The following ST6GALNAC3 variants were observed in gnomAD, a reference collection of about 807,000 sequenced individuals.
ST6GALNAC3 encodes the protein alpha-N-acetylgalactosaminide alpha-2,6-sialyltransferase 3.
ST6GALNAC3 carries 25 observed loss-of-function variants against 32.7 expected under a neutral mutation model. The ratio of observed to expected loss-of-function variants is 0.76; its 90% CI spans 0.56 to 1.07. ST6GALNAC3 has a LOEUF of 1.07. ST6GALNAC3 is among the 50% of genes least tolerant of loss of function. The probability of loss-of-function intolerance (pLI) is 0.00; values close to 1 mark genes in which losing one functional copy is unlikely to be tolerated. For synonymous variants in ST6GALNAC3, 129 were observed against 133.1 expected, an observed-to-expected ratio of 0.97 and a Z score of 0.21; for missense variants, 355 against 382.4, an observed-to-expected ratio of 0.93 and a Z score of 0.60.
intron 1 of ST6GALNAC3, among the ~76,000 whole-genome samples, chr1:76,309,053 C>T (rs887165665): frequency 3.9e-5 from 6 of 152,142 alleles, no homozygotes; most frequent in East Asian, 1.9e-4. Flanking sequence ...GCGAGGCCGC[C>T]GCGGTCCTCA....
intron 1 of ST6GALNAC3, among the ~76,000 whole-genome samples, chr1:76,241,244 A>T (rs1656946653): frequency 6.6e-6 from 1 of 152,160 alleles, no homozygotes; most frequent in South Asian, 2.1e-4. Context: ...GAATATATAA[A>T]ATAGGTAATT....
intron 3 of ST6GALNAC3, among the ~76,000 whole-genome samples, chr1:76,457,470 T>C (rs951511137): frequency 1.3e-5 from 2 of 152,082 alleles, no homozygotes; most frequent in Admixed American, 6.6e-5. Context: ...AAGGCTATAC[T>C]ATACTACAAG....
chr1:76,114,705 T>C (rs1358304512), intron 1 of ST6GALNAC3, among the ~76,000 whole-genome samples: 1 of 151,952 alleles, frequency 6.6e-6, no homozygotes, highest in African/African-American at 2.4e-5. Flanking sequence ...GGTCAGGAGT[T>C]CGAGACCAGC....
intron 1 of ST6GALNAC3, among the ~76,000 whole-genome samples, chr1:76,226,982 T>C (rs1656112588): frequency 6.6e-6 from 1 of 152,204 alleles, no homozygotes; most frequent in South Asian, 2.1e-4. Context: ...GCTTTCATGA[T>C]AAAAAGAGAA....
At chr1:76,314,061 G>T in intron 2 of ST6GALNAC3, 62 bp downstream of exon 2, 1 of 1,505,546 alleles carries the variant, frequency 6.6e-7, no homozygotes, top group Non-Finnish European at 9.0e-7. Flanking sequence ...TTTTCTTTAG[G>T]AGCCAGAGGG....
Position 76,158,785 on chromosome 1 carries a change from T to C in ST6GALNAC3, c.18+83901T>C, listed in dbSNP as rs114596687. Among the ~76,000 whole-genome samples, 33 of 152,314 alleles carry C rather than the reference T, an allele frequency of 2.2e-4. 1 individual carries two copies. Among genetic ancestry groups the C allele is most frequent in the African/African-American group, 7.7e-4 (32 of 41,582 alleles). On this transcript the variant is annotated intron_variant, in intron 1 of 4. Coordinates refer to ENST00000328299, the MANE Select transcript of ST6GALNAC3 (RefSeq NM_152996.4). Reference sequence around the variant, plus strand: ...AGTAGCTTTTACTATTATCTAATAATAGTTCTTGATATTTACTTAGTGCTT... The same window carrying C: ...AGTAGCTTTTACTATTATCTAATAACAGTTCTTGATATTTACTTAGTGCTT...
chr1:76,534,376 T>TAATA (rs1171908841), intron 3 of ST6GALNAC3, among the ~76,000 whole-genome samples: 3 of 152,162 alleles, frequency 2.0e-5, no homozygotes, highest in Admixed American at 1.3e-4. Context: ...TCCATGTCTC[T>TAATA]AATACTCCAT....
chr1:76,631,648 A>G lies in ST6GALNAC3; in HGVS notation c.*2842A>G, dbSNP rs940240695. On this transcript the variant is annotated 3_prime_UTR_variant, in exon 5 of 5. Coordinates refer to ENST00000328299, the MANE Select transcript of ST6GALNAC3 (RefSeq NM_152996.4). ...TTGAAAAATTTAACTGAACTTACTTATCACTGATGTGTATTTATCCCAGAA... is the reference window on the plus strand; with the variant it reads ...TTGAAAAATTTAACTGAACTTACTTGTCACTGATGTGTATTTATCCCAGAA... 3.3e-5 allele frequency: 5 copies of G among 152,088 alleles called. No individual in the cohort carries two copies. Among genetic ancestry groups the G allele is most frequent in the African/African-American group, 1.2e-4 (5 of 41,430 alleles). 9.4% of individuals were successfully genotyped at this position (152,088 alleles called of 1,614,324 possible). A position where few individuals can be genotyped will look rare whatever the true frequency, so the allele number is the denominator to read the frequency against.
chr1:76,508,690 C>G (rs1661639646), intron 3 of ST6GALNAC3, among the ~76,000 whole-genome samples: 1 of 152,146 alleles, frequency 6.6e-6, no homozygotes, highest in South Asian at 2.1e-4. Flanking sequence ...AGGGGCTTAG[C>G]TGGACCCCAG....
At chr1:76,494,908 G>A (rs981962619) in intron 3 of ST6GALNAC3, among the ~76,000 whole-genome samples, 1 of 152,102 alleles carries the variant, frequency 6.6e-6, no homozygotes, top group African/African-American at 2.4e-5. Flanking sequence ...GCAGGCTTGA[G>A]ACTCTGAAAA....
intron 2 of ST6GALNAC3, among the ~76,000 whole-genome samples, chr1:76,389,505 T>A (rs1412597708): frequency 6.6e-6 from 1 of 152,222 alleles, no homozygotes; most frequent in African/African-American, 2.4e-5. Flanking sequence ...TTGCTTTGTG[T>A]GATTAGTGTT....
intron 2 of ST6GALNAC3, among the ~76,000 whole-genome samples, chr1:76,403,155 G>A (rs1465974718): frequency 6.6e-6 from 1 of 152,050 alleles, no homozygotes; most frequent in African/African-American, 2.4e-5. Flanking sequence ...TTATTAGGTA[G>A]TATGATTTTC....
intron 3 of ST6GALNAC3, among the ~76,000 whole-genome samples, chr1:76,457,372 C>G (rs1332300647): frequency 3.9e-5 from 6 of 152,052 alleles, no homozygotes; most frequent in African/African-American, 1.4e-4. Context: ...TCATATGGAA[C>G]CAAAAAGGAG....
chr1:76,242,074 A>G (rs1285974932), intron 1 of ST6GALNAC3, among the ~76,000 whole-genome samples: 1 of 152,208 alleles, frequency 6.6e-6, no homozygotes, highest in Non-Finnish European at 1.5e-5. Context: ...TGCCTGGTAC[A>G]TAGAAGTCAC....
chr1:76,170,344 T>A (rs1420964844), intron 1 of ST6GALNAC3, among the ~76,000 whole-genome samples: 1 of 152,116 alleles, frequency 6.6e-6, no homozygotes, highest in Non-Finnish European at 1.5e-5. Flanking sequence ...CAACTATATG[T>A]ATGGTTGTGC....
At chr1:76,422,571 CAGAATTACA>C (rs1005840365) in intron 3 of ST6GALNAC3, among the ~76,000 whole-genome samples, 1 of 151,938 alleles carries the variant, frequency 6.6e-6, no homozygotes, top group African/African-American at 2.4e-5. Flanking sequence ...GAGCTTGCAT[CAGAATTACA>C]AGGGGTGCTG....
At chr1:76,345,732 T>A (rs767166842) in intron 2 of ST6GALNAC3, among the ~76,000 whole-genome samples, 3 of 152,128 alleles carry the variant, frequency 2.0e-5, no homozygotes, top group Non-Finnish European at 2.9e-5. Context: ...GATGGGGATC[T>A]GCTCCCCACC....
At chr1:76,434,282 T>C (rs1377852314) in intron 3 of ST6GALNAC3, among the ~76,000 whole-genome samples, 1 of 152,206 alleles carries the variant, frequency 6.6e-6, no homozygotes, top group African/African-American at 2.4e-5. Context: ...GCTTGTACAA[T>C]GGAGTGTTTA....
chr1:76,201,523 T>C (rs1012969591), intron 1 of ST6GALNAC3, among the ~76,000 whole-genome samples: 1 of 152,108 alleles, frequency 6.6e-6, no homozygotes, highest in African/African-American at 2.4e-5. Flanking sequence ...CGTTGGAAAC[T>C]GAATGTATAG....
Sources: gnomAD v4.1 joint callset for allele counts (sites outside exome capture counted in the v4.1 genomes callset) on GRCh38, gnomAD v4.1.1 for gene constraint, MANE v1.5 for transcripts, NCBI Gene and HGNC (gene_info 2026-07-23, HGNC 2026-07-21) for gene names.